ABCA13: variants seen among roughly 807,000 people sequenced by gnomAD.
ABCA13 encodes ATP-binding cassette sub-family A member 13.
A neutral mutation model predicts 478.7 loss-of-function variants in ABCA13; 476 were observed. The ratio of observed to expected loss-of-function variants is 0.99; its 90% CI spans 0.92 to 1.07. The LOEUF (loss-of-function observed/expected upper bound fraction) is 1.07, where lower values mean the gene tolerates loss of function less well. ABCA13 is among the 50% of genes least tolerant of loss of function. The pLI is 0.00. For missense variants in ABCA13, 6,060 were observed against 5,910.6 expected (o/e 1.03, Z -0.83); for synonymous variants, 2,252 against 2,158.9 (o/e 1.04, Z -1.20).
At chr7:48,439,672 T>C (rs954790081) in intron 42 of ABCA13, among the ~76,000 whole-genome samples, 1 of 152,150 alleles carries the variant, frequency 6.6e-6, no homozygotes, top group African/African-American at 2.4e-5. Flanking sequence ...ACAGGCACAA[T>C]CATACTAAAG....
intron 31 of ABCA13, among the ~76,000 whole-genome samples, chr7:48,364,274 C>CT (rs544465826): frequency 3.9e-5 from 6 of 152,078 alleles, no homozygotes; most frequent in South Asian, 2.1e-4. Context: ...GTCAATGTAA[C>CT]TTTTTTTTGC....
intron 43 of ABCA13, among the ~76,000 whole-genome samples, chr7:48,464,663 G>A (rs1470901541): frequency 6.6e-6 from 1 of 152,142 alleles, no homozygotes; most frequent in Admixed American, 6.5e-5. Context: ...GCCAGATTTA[G>A]GGAAGTAAAA....
chr7:48,244,675 G>A lies in ABCA13; in HGVS notation c.1362G>A (p.Ala454=), dbSNP rs927107670. The change falls in exon 11 of 62, where the codon GCG becomes GCA. Residue 454 remains alanine (A), a synonymous_variant. Coordinates refer to ENST00000435803, the MANE Select transcript of ABCA13 (RefSeq NM_152701.5). The stretch of plus-strand genomic sequence containing the variant: ...AGCTTGATGGAGCTCTCAGAAATGC[G>A]ATAGCTCAGAATTTACATTTTGTCC... ...FLQLDGALRN[A]IAQNLHFVQE... The A allele has an allele frequency of 7.5e-6, 12 of 1,607,082 alleles. No homozygotes were observed. Among genetic ancestry groups the A allele is most frequent in the Middle Eastern group, 1.7e-4 (1 of 6,060 alleles).
chr7:48,523,246 C>T (rs1044149662), intron 53 of ABCA13, among the ~76,000 whole-genome samples: 2 of 151,998 alleles, frequency 1.3e-5, no homozygotes, highest in African/African-American at 4.8e-5. Context: ...TTTTTCTCAT[C>T]GTCTATGTTC....
At chr7:48,432,761 T>C (rs1822314835) in intron 42 of ABCA13, among the ~76,000 whole-genome samples, 1 of 152,064 alleles carries the variant, frequency 6.6e-6, no homozygotes, top group Non-Finnish European at 1.5e-5. Flanking sequence ...TATGCAGAAT[T>C]TTTAAAAGTT....
At position 48,352,266 on chromosome 7, in the gene ABCA13, G is replaced by C; in HGVS notation, c.10467G>C (p.Arg3489=). The C allele has an allele frequency of 6.2e-7, 1 of 1,613,738 alleles. No individual in the cohort carries two copies. The highest frequency in any genetic ancestry group is 8.5e-7 in the Non-Finnish European group (1 of 1,179,856). ...KLPPHVSYTI[R]TNVLYSVRTD... ...CACCCCATGTCTCATACACAATCCG[G>C]ACCAATGTGTTATACAGCGTGCGAA... The change falls in exon 31 of 62, where the codon CGG becomes CGC. Residue 3489 remains arginine (R), a synonymous_variant. Transcript: ENST00000435803.
chr7:48,635,699 G>T (rs989802719), intron 59 of ABCA13, among the ~76,000 whole-genome samples: 6 of 152,172 alleles, frequency 3.9e-5, no homozygotes, highest in Admixed American at 1.3e-4. Context: ...GAGCTAAGGT[G>T]GGAGAGAGCC....
In ABCA13 at chr7:48,248,418, C is replaced by T. The variant is rs745772321; in HGVS notation, c.1839C>T (p.Asp613=). Residue 613 remains aspartate (D), a synonymous_variant, in exon 14 of 62, where the codon GAC becomes GAT. Transcript: ENST00000435803. The part of the protein sequence containing the change: ...PSPENDVFSS[D]CKHQLVSTVI... ...CTGAGAATGATGTCTTTTCTAGTGA[C>T]TGTAAGCACCAGCTTGTCTCCACAG... 2 of 1,608,954 alleles carry T rather than the reference C, an allele frequency of 1.2e-6. No individual in the cohort carries two copies. Among genetic ancestry groups the T allele is most frequent in the Non-Finnish European group, 1.7e-6 (2 of 1,177,316 alleles).
intron 55 of ABCA13, among the ~76,000 whole-genome samples, chr7:48,561,568 C>G (rs73111420): frequency 0.17 from 25,207 of 152,046 alleles, 2,328 homozygotes; most frequent in East Asian, 0.3. Flanking sequence ...TTGCCCATTA[C>G]TTAATTAGAT....
chr7:48,266,144 AC>A (rs1198099259), intron 15 of ABCA13, among the ~76,000 whole-genome samples: 1 of 151,676 alleles, frequency 6.6e-6, no homozygotes, highest in Non-Finnish European at 1.5e-5. Context: ...AAAATATATT[AC>A]CTTTTTATCT....
intron 31 of ABCA13, among the ~76,000 whole-genome samples, chr7:48,356,203 T>C (rs1584986576): frequency 6.6e-6 from 1 of 151,742 alleles, no homozygotes; most frequent in Admixed American, 6.5e-5. Flanking sequence ...AGACAGATAA[T>C]CGACCATTGG....
chr7:48,552,755 T>A (rs977550340), intron 55 of ABCA13, among the ~76,000 whole-genome samples: 1 of 151,680 alleles, frequency 6.6e-6, no homozygotes, highest in Non-Finnish European at 1.5e-5. Flanking sequence ...GATATAGGCG[T>A]ACAGTGCATA....
intron 31 of ABCA13, among the ~76,000 whole-genome samples, chr7:48,362,500 T>G (rs1811042249): frequency 6.6e-6 from 1 of 151,164 alleles, no homozygotes; most frequent in African/African-American, 2.4e-5. Flanking sequence ...CTGAAGCATT[T>G]TGTTTCAAGT....
chr7:48,517,196 A>G (rs575589111), intron 52 of ABCA13, among the ~76,000 whole-genome samples: 13 of 152,148 alleles, frequency 8.5e-5, no homozygotes, highest in Non-Finnish European at 1.9e-4. Flanking sequence ...TTATTGATGA[A>G]TTACTGATGA....
At chr7:48,538,759 G>T (rs189496939) in intron 55 of ABCA13, among the ~76,000 whole-genome samples, 43 of 148,742 alleles carry the variant, frequency 2.9e-4, no homozygotes, top group Non-Finnish European at 5.3e-4. Context: ...GATTTTTTTT[G>T]AATTCATTAC....
chr7:48,388,060 T>TA, intron 36 of ABCA13, 101 bp downstream of exon 36: 2 of 1,296,610 alleles, frequency 1.5e-6, no homozygotes, highest in Non-Finnish European at 2.1e-6. Context: ...AAGTGTGTGC[T>TA]GATTCCTAGA....
chr7:48,372,561 A>G, intron 33 of ABCA13, 64 bp downstream of exon 33: 1 of 1,269,242 alleles, frequency 7.9e-7, no homozygotes, highest in Non-Finnish European at 1.1e-6. Flanking sequence ...ATCTAACAAG[A>G]CAAAATCCCA....
chr7:48,393,311 C>G (rs1348623167), intron 38 of ABCA13, among the ~76,000 whole-genome samples: 1 of 152,208 alleles, frequency 6.6e-6, no homozygotes. Flanking sequence ...GCTCTGCCCC[C>G]TCAGGAAGAT....
intron 55 of ABCA13, among the ~76,000 whole-genome samples, chr7:48,536,506 G>A (rs1366737267): frequency 5.9e-5 from 9 of 152,122 alleles, no homozygotes. Context: ...AAATTACGTG[G>A]GCGTGGTGGT....
Sources: gnomAD v4.1 joint callset for allele counts (sites outside exome capture counted in the v4.1 genomes callset) on GRCh38, gnomAD v4.1.1 for gene constraint, MANE v1.5 for transcripts, NCBI Gene and HGNC (gene_info 2026-07-23, HGNC 2026-07-21) for gene names.